Variants in CCSER1 observed in about 807,000 individuals in gnomAD.
CCSER1 encodes the protein coiled-coil serine rich protein 1.
Under a neutral mutation model 82.0 loss-of-function variants are expected in CCSER1, and 41 were observed. The ratio of observed to expected loss-of-function variants is 0.50; its 90% confidence interval spans 0.39 to 0.65. CCSER1 has a LOEUF of 0.65. Ranked by LOEUF, CCSER1 falls within the 30% of genes least tolerant of loss-of-function variation. The pLI, the probability that CCSER1 is intolerant of heterozygous loss-of-function variation, is 0.00. For synonymous variants in CCSER1, 414 were observed against 383.9 expected (o/e 1.08, Z -0.92); for missense variants, 1,119 against 1,064.2 (o/e 1.05, Z -0.72).
At chr4:90,807,065 A>C (rs999802373) in intron 7 of CCSER1, among the ~76,000 whole-genome samples, 1 of 152,182 alleles carries the variant, frequency 6.6e-6, no homozygotes, top group Admixed American at 6.5e-5. Flanking sequence ...TAAGGTGGTT[A>C]TAGTTTGGTG....
At chr4:90,457,500 C>T (rs1762340244) in intron 4 of CCSER1, among the ~76,000 whole-genome samples, 2 of 152,182 alleles carry the variant, frequency 1.3e-5, no homozygotes, top group African/African-American at 2.4e-5. Context: ...TATTGAGCTA[C>T]AGTACAGCTC....
chr4:91,567,348 G>A (rs1299334028), intron 10 of CCSER1, among the ~76,000 whole-genome samples: 3 of 152,118 alleles, frequency 2.0e-5, no homozygotes, highest in Admixed American at 6.6e-5. Flanking sequence ...TGAGAAGAAT[G>A]TATATTTTGT....
intron 10 of CCSER1, among the ~76,000 whole-genome samples, chr4:91,221,474 A>C (rs183690857): frequency 4.6e-5 from 7 of 152,288 alleles, no homozygotes; most frequent in Admixed American, 3.3e-4. Flanking sequence ...AGAGTGTTAT[A>C]ATATTAAGAG....
At chr4:90,841,445 G>A (rs554527509) in intron 8 of CCSER1, among the ~76,000 whole-genome samples, 41 of 151,938 alleles carry the variant, frequency 2.7e-4, no homozygotes, top group African/African-American at 8.9e-4. Flanking sequence ...GGGCGTGGTG[G>A]CAGATGCCTG....
At chr4:90,377,520 G>T (rs1748529126) in intron 3 of CCSER1, among the ~76,000 whole-genome samples, 1 of 152,128 alleles carries the variant, frequency 6.6e-6, no homozygotes, top group Admixed American at 6.6e-5. Flanking sequence ...CCAGCAACAT[G>T]TAAATACAAA....
intron 9 of CCSER1, among the ~76,000 whole-genome samples, chr4:91,076,082 T>G (rs976418416): frequency 2.6e-5 from 4 of 152,182 alleles, no homozygotes; most frequent in Non-Finnish European, 5.9e-5. Context: ...TACTATACCT[T>G]ACTTCTCCTT....
At chr4:90,351,603 G>C (rs888416416) in intron 3 of CCSER1, among the ~76,000 whole-genome samples, 1 of 151,804 alleles carries the variant, frequency 6.6e-6, no homozygotes. Context: ...TTCAACAATA[G>C]TGTAAAAAAA....
Position 90,369,152 on chromosome 4 carries a change from A to G in CCSER1, c.1510-30884A>G, listed in dbSNP as rs184550932. ...CTGGCTAATTAATTGGAAAACAGGA[A>G]GGAAGGAGAGGAGGAGGAAAAGGAG... On this transcript the variant is annotated intron_variant, in intron 3 of 10. Transcript: ENST00000509176. Among the ~76,000 whole-genome samples, 16 of 151,708 alleles carry G rather than the reference A, an allele frequency of 1.1e-4. No homozygotes were observed. The East Asian group carries it at 3.1e-3, about 29-fold the overall frequency.
rs2110364036 is a variant in CCSER1, at chr4:91,599,857, C to G, written c.*800C>G. Reference sequence around the variant, plus strand: ...CAGATGATGCATAAATACTGACATGCTATATTCTTTGAGCCACTGTCATGG... The same window carrying G: ...CAGATGATGCATAAATACTGACATGGTATATTCTTTGAGCCACTGTCATGG... On this transcript the variant is annotated 3_prime_UTR_variant, in exon 11 of 11. Transcript: ENST00000509176. The G allele has an allele frequency of 6.6e-6, 1 of 152,250 alleles. No individual in the cohort carries two copies. Among genetic ancestry groups the G allele is most frequent in the East Asian group, 1.9e-4 (1 of 5,192 alleles). 9.4% of individuals were successfully genotyped at this position (152,250 alleles called of 1,614,324 possible). A position where few individuals can be genotyped will look rare whatever the true frequency, so the allele number is the denominator to read the frequency against.
chr4:90,494,381 C>T (rs186418720), intron 5 of CCSER1, among the ~76,000 whole-genome samples: 22 of 152,252 alleles, frequency 1.4e-4, no homozygotes, highest in Admixed American at 1.4e-3. Context: ...GCGAGGATAT[C>T]CAGGAATTGA....
rs116809090 is a variant in CCSER1, at chr4:91,103,157, C to T, written c.2217+17163C>T. 4.8e-3 allele frequency among the ~76,000 whole-genome samples: 734 copies of T among 152,274 alleles called. 6 individuals carry two copies. Among genetic ancestry groups the T allele is most frequent in the African/African-American group, 0.015 (634 of 41,560 alleles). On this transcript the variant is annotated intron_variant, in intron 10 of 10. Coordinates refer to ENST00000509176, the MANE Select transcript of CCSER1 (RefSeq NM_001145065.2). ...AGCTTGGAAATAGATCTCCAAATTT[C>T]TTCCCATTCCTTAGTCATCTCTCCT...
chr4:91,007,338 A>G (rs949400997), intron 9 of CCSER1, among the ~76,000 whole-genome samples: 1 of 152,196 alleles, frequency 6.6e-6, no homozygotes, highest in Non-Finnish European at 1.5e-5. Flanking sequence ...CCCTTCAATT[A>G]TCTGAAATAG....
chr4:91,383,854 A>C (rs927517553), intron 10 of CCSER1, among the ~76,000 whole-genome samples: 24 of 152,316 alleles, frequency 1.6e-4, no homozygotes, highest in African/African-American at 5.5e-4. Context: ...TTAGGTAGCA[A>C]GTAGAGTGTT....
chr4:90,588,558 G>A (rs1041869102), intron 5 of CCSER1, among the ~76,000 whole-genome samples: 1 of 152,122 alleles, frequency 6.6e-6, no homozygotes, highest in Non-Finnish European at 1.5e-5. Context: ...CTTCCCTTAA[G>A]TGTTGAAATT....
chr4:90,552,832 A>G (rs918505911), intron 5 of CCSER1, among the ~76,000 whole-genome samples: 1 of 152,326 alleles, frequency 6.6e-6, no homozygotes, highest in Non-Finnish European at 1.5e-5. Context: ...TATTGATAAT[A>G]TCAAGGTGTA....
At chr4:91,244,977 A>C (rs907766138) in intron 10 of CCSER1, among the ~76,000 whole-genome samples, 32 of 152,230 alleles carry the variant, frequency 2.1e-4, no homozygotes, top group African/African-American at 7.7e-4. Context: ...TTTGGAGTTG[A>C]AAAATGCAAT....
At chr4:91,248,461 C>T (rs917715981) in intron 10 of CCSER1, among the ~76,000 whole-genome samples, 2 of 152,130 alleles carry the variant, frequency 1.3e-5, no homozygotes, top group Admixed American at 1.3e-4. Flanking sequence ...AGTGTGAATC[C>T]TTGGATAAGA....
intron 1 of CCSER1, among the ~76,000 whole-genome samples, chr4:90,241,933 A>G (rs1309598531): frequency 2.0e-5 from 3 of 152,210 alleles, no homozygotes; most frequent in Non-Finnish European, 2.9e-5. Context: ...AGAATCTTCT[A>G]TCATCAAATC....
chr4:91,122,972 T>G (rs1403180675), intron 10 of CCSER1, among the ~76,000 whole-genome samples: 2 of 151,750 alleles, frequency 1.3e-5, no homozygotes, highest in Non-Finnish European at 3.0e-5. Context: ...GAGCAGAAAA[T>G]TCAGGGGACC....
Sources: gnomAD v4.1 joint callset for allele counts (sites outside exome capture counted in the v4.1 genomes callset) on GRCh38, gnomAD v4.1.1 for gene constraint, MANE v1.5 for transcripts, NCBI Gene and HGNC (gene_info 2026-07-23, HGNC 2026-07-21) for gene names.